The following RELN variants were observed in gnomAD, a reference collection of about 807,000 sequenced individuals.
The protein encoded by RELN is reelin.
RELN carries 108 observed loss-of-function variants against 427.6 expected under a neutral mutation model. The ratio of observed to expected loss-of-function variants is 0.25; its 90% CI spans 0.22 to 0.30. The LOEUF is 0.30. Ranked by LOEUF, RELN falls within the 10% of genes least tolerant of loss-of-function variation. The pLI, the probability that RELN is intolerant of heterozygous loss-of-function variation, is 1.00. For synonymous variants in RELN, 1,524 were observed against 1,513.4 expected (o/e 1.01, Z -0.16); for missense variants, 3,715 against 4,302.8 (o/e 0.86, Z 3.82).
At chr7:103,629,012 G>C (rs1194056377) in intron 20 of RELN, among the ~76,000 whole-genome samples, 4 of 152,096 alleles carry the variant, frequency 2.6e-5, no homozygotes, top group Non-Finnish European at 4.4e-5. Context: ...ATACGCCATG[G>C]TCACTCTCGC....
At chr7:103,867,974 C>T (rs1294199245) in intron 2 of RELN, among the ~76,000 whole-genome samples, 1 of 152,050 alleles carries the variant, frequency 6.6e-6, no homozygotes, top group African/African-American at 2.4e-5. Context: ...TTTTTTCCTC[C>T]TGGCACCAAG....
chr7:103,611,664 C>T lies in RELN; in HGVS notation c.2842G>A (p.Val948Met), dbSNP rs1584343545. The T allele has an allele frequency of 1.2e-6, 2 of 1,613,768 alleles. No homozygotes were observed. The highest frequency in any genetic ancestry group is 1.7e-4 in the Middle Eastern group (1 of 6,056). ...TGGTTGGTTGAGTACTCCAGCTTCA[C>T]CTGGTTGTCCATGTGTGGGGTGTAT... ...QKYTPHMDNQ[V>M]KLEYSTNHGL... is the part of the protein sequence containing the mutation. Residue 948 changes from valine to methionine, a missense_variant, in exon 21 of 65, where the codon GTG (valine) becomes ATG (methionine). Transcript: ENST00000428762.
chr7:103,613,270 T>C lies in RELN; in HGVS notation c.2703-1467A>G, dbSNP rs554518004. Among the ~76,000 whole-genome samples, 36 of 152,310 alleles carry C rather than the reference T, an allele frequency of 2.4e-4. 1 individual carries two copies. The highest frequency in any genetic ancestry group is 8.2e-4 in the African/African-American group (34 of 41,576). On this transcript the variant is annotated intron_variant, in intron 20 of 64. Coordinates refer to ENST00000428762, the MANE Select transcript of RELN (RefSeq NM_005045.4). The stretch of plus-strand genomic sequence containing the variant: ...TCTTTGTTTTTCTGTTACTGTAAGA[T>C]TGGGAGAGAAAAAACACTGCAGTTT...
intron 27 of RELN, 63 bp downstream of exon 27, chr7:103,593,619 T>C (rs1831470935): frequency 7.2e-7 from 1 of 1,385,566 alleles, no homozygotes; most frequent in Non-Finnish European, 1.0e-6. Flanking sequence ...TGAGTTCCAC[T>C]TATACATCTG....
chr7:103,493,430 T>C (rs886916196), intron 57 of RELN, among the ~76,000 whole-genome samples: 6 of 152,216 alleles, frequency 3.9e-5, no homozygotes, highest in African/African-American at 1.4e-4. Flanking sequence ...AGTGCACCGT[T>C]AGACACATTC....
chr7:103,651,507 C>G (rs990753260), intron 15 of RELN, among the ~76,000 whole-genome samples, 154 bp downstream of exon 15: 1 of 152,162 alleles, frequency 6.6e-6, no homozygotes, highest in South Asian at 2.1e-4. Context: ...ACCAAAGATA[C>G]TATCTTTCTT....
At position 103,988,731 on chromosome 7, in the gene RELN, CG is replaced by C. The variant is rs1159285646; in HGVS notation, c.226+399del. On this transcript the variant is annotated intron_variant, in intron 1 of 64. Coordinates refer to ENST00000428762, the MANE Select transcript of RELN (RefSeq NM_005045.4). The surrounding 1 kb of genome is among the most constrained non-coding windows in gnomAD (Gnocchi z 4.9). Reference sequence around the variant, plus strand: ...CCAGCGACAGCCCCCAACGCCCCCCCGGGGACCCATCTGGGGGGACCGGGAG... The same window carrying C: ...CCAGCGACAGCCCCCAACGCCCCCCCGGGACCCATCTGGGGGGACCGGGAG... Among the ~76,000 whole-genome samples the C allele has an allele frequency of 6.6e-6, 1 of 152,170 alleles. No individual in the cohort carries two copies. The highest frequency in any genetic ancestry group is 1.5e-5 in the Non-Finnish European group (1 of 68,024).
chr7:103,760,804 A>C (rs947863105), intron 4 of RELN, among the ~76,000 whole-genome samples: 2 of 152,202 alleles, frequency 1.3e-5, no homozygotes, highest in Non-Finnish European at 2.9e-5. Flanking sequence ...CAAATGTATT[A>C]AACTTCCAAA....
At chr7:103,600,019 C>T (rs1831628101) in intron 24 of RELN, among the ~76,000 whole-genome samples, 1 of 152,030 alleles carries the variant, frequency 6.6e-6, no homozygotes. Flanking sequence ...GCCTCATTCT[C>T]CTGAGTAGTT....
rs1240548368 is a variant in RELN, at chr7:103,640,056, A to T, written c.2069+487T>A. 6.6e-6 allele frequency among the ~76,000 whole-genome samples: 1 copy of T among 152,184 alleles called. No individual in the cohort carries two copies. Among genetic ancestry groups the T allele is most frequent in the African/African-American group, 2.4e-5 (1 of 41,444 alleles). On this transcript the variant is annotated intron_variant, in intron 17 of 64. Coordinates refer to ENST00000428762, the MANE Select transcript of RELN (RefSeq NM_005045.4). This position sits in a 1 kb window ranked among gnomAD's most constrained non-coding sequence, Gnocchi z 4.1. ...TACTTTATAATTTATTAAAGACTCA[A>T]ATGATTTTCAAAAGTAAACAAGACG... is the stretch of plus-strand genomic sequence containing the variant.
intron 8 of RELN, among the ~76,000 whole-genome samples, chr7:103,712,351 A>T (rs962455336): frequency 1.3e-5 from 2 of 152,362 alleles, no homozygotes; most frequent in African/African-American, 4.8e-5. Flanking sequence ...AGTATAAAGA[A>T]TAGCGTGATT....
chr7:103,725,628 C>T lies in RELN; in HGVS notation c.754-2437G>A, dbSNP rs559742922. 7.9e-5 allele frequency among the ~76,000 whole-genome samples: 12 copies of T among 152,222 alleles called. No individual in the cohort carries two copies. In the South Asian group the frequency reaches 2.3e-3, roughly 29 times the overall value. The stretch of plus-strand genomic sequence containing the variant: ...TTTTTTAAAATGGAGGGTAACATAA[C>T]TCATTTCATTTTAAATTCTGAGAGC... On this transcript the variant is annotated intron_variant, in intron 7 of 64. Coordinates refer to ENST00000428762, the MANE Select transcript of RELN (RefSeq NM_005045.4).
At chr7:103,516,215 T>C (rs1829563561) in intron 49 of RELN, among the ~76,000 whole-genome samples, 1 of 152,032 alleles carries the variant, frequency 6.6e-6, no homozygotes, top group Admixed American at 6.5e-5. Flanking sequence ...CTCTTGAATT[T>C]ATATTCATAA....
At chr7:103,533,612 TA>T (rs1243284727) in intron 46 of RELN, among the ~76,000 whole-genome samples, 1 of 152,170 alleles carries the variant, frequency 6.6e-6, no homozygotes, top group Non-Finnish European at 1.5e-5. Flanking sequence ...GAGGGTAATA[TA>T]ATAAACAAAC....
intron 1 of RELN, among the ~76,000 whole-genome samples, chr7:103,946,152 G>A (rs564589532): frequency 5.9e-5 from 9 of 152,202 alleles, no homozygotes; most frequent in Admixed American, 2.0e-4. Flanking sequence ...GCGCATAATA[G>A]GTGCTGAATA....
At chr7:103,580,707 T>C (rs1831111150) in intron 28 of RELN, among the ~76,000 whole-genome samples, 1 of 152,224 alleles carries the variant, frequency 6.6e-6, no homozygotes, top group Non-Finnish European at 1.5e-5. Context: ...ACCCAATACG[T>C]AGCCATTTAT....
chr7:103,807,328 G>A, intron 3 of RELN, among the ~76,000 whole-genome samples: 1 of 152,202 alleles, frequency 6.6e-6, no homozygotes, highest in South Asian at 2.1e-4. Flanking sequence ...TCCTAAGCCA[G>A]CAGTAGGGTA....
At chr7:103,834,927 G>A (rs1793363240) in intron 2 of RELN, among the ~76,000 whole-genome samples, 1 of 152,166 alleles carries the variant, frequency 6.6e-6, no homozygotes. Context: ...TTTACCATAT[G>A]ATGTAGCAGT....
chr7:103,794,246 A>T (rs951393700), intron 3 of RELN, among the ~76,000 whole-genome samples: 1 of 152,190 alleles, frequency 6.6e-6, no homozygotes, highest in Non-Finnish European at 1.5e-5. Context: ...CTCAAGGTTC[A>T]GGCACACATG....
Sources: allele counts gnomAD v4.1 joint callset (sites outside exome capture counted in the v4.1 genomes callset), GRCh38; gene constraint gnomAD v4.1.1; non-coding constraint Gnocchi (gnomAD v3.1); transcripts MANE v1.5; gene names NCBI Gene and HGNC (gene_info 2026-07-23, HGNC 2026-07-21).